Variants in ACKR3 observed in about 807,000 individuals in gnomAD.
ACKR3 encodes C-X-C chemokine receptor type 7.
Under a neutral mutation model 22.4 loss-of-function variants are expected in ACKR3, and 6 were observed. The ratio of observed to expected loss-of-function variants is 0.27; its 90% confidence interval spans 0.15 to 0.53. ACKR3 has a LOEUF of 0.53. ACKR3 is among the 20% of genes least tolerant of loss of function. The pLI is 0.96. For synonymous variants in ACKR3, 209 were observed against 205.2 expected (o/e 1.02, Z -0.16); for missense variants, 396 against 475.2 (o/e 0.83, Z 1.55).
At chr2:236,549,327 T>C in the ACKR3 span, among the ~76,000 whole-genome samples, 10 of 152,308 alleles carry the variant, frequency 6.6e-5, no homozygotes, top group South Asian at 2.1e-3. This position sits in a 1 kb window ranked among gnomAD's most constrained non-coding sequence, Gnocchi z 5.3. Flanking sequence ...TACCCTTTTG[T>C]GGAAGCCTAC....
chr2:236,550,879 G>A, the ACKR3 span, among the ~76,000 whole-genome samples: 1 of 152,146 alleles, frequency 6.6e-6, no homozygotes, highest in African/African-American at 2.4e-5. This position sits in a 1 kb window ranked among gnomAD's most constrained non-coding sequence, Gnocchi z 4.6. Context: ...TTCACACACG[G>A]CTGCCCCGGC....
chr2:236,573,143 G>C (rs759603328), intron 1 of ACKR3, among the ~76,000 whole-genome samples: 1 of 152,016 alleles, frequency 6.6e-6, no homozygotes, highest in Non-Finnish European at 1.5e-5. Context: ...CCATAGATTC[G>C]ATGTAGCATT....
At chr2:236,565,774 A>G (rs1691165077), upstream of ACKR3, among the ~76,000 whole-genome samples, 1 of 152,180 alleles carries the variant, frequency 6.6e-6, no homozygotes. Flanking sequence ...GTTCCAAGCC[A>G]GGTTGTCTGG....
chr2:236,537,304 G>A, the ACKR3 span, among the ~76,000 whole-genome samples: 1 of 152,256 alleles, frequency 6.6e-6, no homozygotes, highest in African/African-American at 2.4e-5. Context: ...TTGGTCCTAA[G>A]TGTGAGCGGC....
chr2:236,578,586 G>A (rs1011931688), intron 1 of ACKR3, among the ~76,000 whole-genome samples: 2 of 152,194 alleles, frequency 1.3e-5, no homozygotes, highest in African/African-American at 4.8e-5. Context: ...ACGAGGAGGG[G>A]ACCCCACAGT....
the ACKR3 span, among the ~76,000 whole-genome samples, chr2:236,545,336 C>T: frequency 3.9e-5 from 6 of 152,306 alleles, no homozygotes; most frequent in Middle Eastern, 3.4e-3. The surrounding 1 kb of genome is among the most constrained non-coding windows in gnomAD (Gnocchi z 5.3). Flanking sequence ...ATCCAGAGCC[C>T]TCCTTCTGTC....
intron 1 of ACKR3, among the ~76,000 whole-genome samples, chr2:236,570,279 C>G: frequency 6.6e-6 from 1 of 152,170 alleles, no homozygotes; most frequent in East Asian, 1.9e-4. Context: ...TTCTGCCTGA[C>G]CAATTTGGCA....
chr2:236,543,930 C>T, the ACKR3 span, among the ~76,000 whole-genome samples: 1 of 112,664 alleles, frequency 8.9e-6, no homozygotes, highest in Non-Finnish European at 1.9e-5. Flanking sequence ...ATTTTTTCTC[C>T]TGGGAGAAGG....
intron 1 of ACKR3, among the ~76,000 whole-genome samples, chr2:236,578,124 G>A (rs2004992): frequency 0.014 from 2,157 of 152,364 alleles, 48 homozygotes; most frequent in African/African-American, 0.047. Context: ...ACGGGGTGGA[G>A]AGTGGAACGT....
intron 1 of ACKR3, among the ~76,000 whole-genome samples, chr2:236,571,704 G>C (rs1691315535): frequency 6.6e-6 from 1 of 151,584 alleles, no homozygotes; most frequent in Middle Eastern, 3.5e-3. Context: ...ATTTTAGGGC[G>C]AGAGCTCCTG....
intron 1 of ACKR3, among the ~76,000 whole-genome samples, chr2:236,578,570 T>A (rs962935366): frequency 1.3e-5 from 2 of 152,180 alleles, no homozygotes; most frequent in African/African-American, 4.8e-5. Context: ...TGAGTCAGGT[T>A]AGGTCACGAG....
chr2:236,581,020 C>T lies in ACKR3; in HGVS notation c.555C>T (p.Thr185=), dbSNP rs550374801. 113 of 1,614,142 alleles carry T rather than the reference C, an allele frequency of 7.0e-5. No homozygotes were observed. In the East Asian group the frequency reaches 9.6e-4, roughly 14 times the overall value. ...VSLPDTYYLK[T]VTSASNNETY... ...TGCCTGACACCTACTACCTGAAGAC[C>T]GTCACGTCTGCGTCCAACAATGAGA... is the stretch of plus-strand genomic sequence containing the variant. Residue 185 remains threonine, a synonymous_variant, in exon 2 of 2, where the codon ACC becomes ACT. Transcript: ENST00000272928. The surrounding 1 kb of genome is among the most constrained non-coding windows in gnomAD (Gnocchi z 4.4).
intron 1 of ACKR3, among the ~76,000 whole-genome samples, 188 bp from the exon 2 acceptor site, chr2:236,580,252 T>C (rs1400849170): frequency 6.6e-6 from 1 of 152,224 alleles, no homozygotes; most frequent in East Asian, 1.9e-4. Flanking sequence ...CAGAGTATGA[T>C]TTATTTTGTT....
the ACKR3 span, among the ~76,000 whole-genome samples, chr2:236,562,558 T>C: frequency 6.6e-6 from 1 of 152,156 alleles, no homozygotes; most frequent in Non-Finnish European, 1.5e-5. Context: ...AAGAGTATGT[T>C]CAACTTTAGT....
the ACKR3 span, among the ~76,000 whole-genome samples, chr2:236,546,847 C>T: frequency 6.6e-6 from 1 of 152,220 alleles, no homozygotes; most frequent in Non-Finnish European, 1.5e-5. The surrounding 1 kb of genome is among the most constrained non-coding windows in gnomAD (Gnocchi z 4.9). Context: ...GAATCCACCC[C>T]AGTGAAAGCA....
the ACKR3 span, among the ~76,000 whole-genome samples, chr2:236,540,505 A>G: frequency 4.6e-5 from 7 of 152,140 alleles, 1 homozygote; most frequent in South Asian, 1.2e-3. Context: ...AGCAGGTTTT[A>G]CTTTGATTAA....
chr2:236,555,188 C>T, the ACKR3 span, among the ~76,000 whole-genome samples: 14 of 152,312 alleles, frequency 9.2e-5, no homozygotes, highest in African/African-American at 3.1e-4. Flanking sequence ...AATACATGAG[C>T]CGTTTTTCTG....
the ACKR3 span, among the ~76,000 whole-genome samples, chr2:236,562,664 T>A: frequency 6.6e-6 from 1 of 151,910 alleles, no homozygotes; most frequent in Non-Finnish European, 1.5e-5. Context: ...GTTATTAGAC[T>A]GCAACGAGAT....
the ACKR3 span, among the ~76,000 whole-genome samples, chr2:236,550,142 C>T: frequency 2.0e-5 from 3 of 152,194 alleles, no homozygotes; most frequent in Non-Finnish European, 2.9e-5. This position sits in a 1 kb window ranked among gnomAD's most constrained non-coding sequence, Gnocchi z 4.6. Context: ...TAGTCTGTTT[C>T]CATCCCTAAG....
Sources: allele counts gnomAD v4.1 joint callset (sites outside exome capture counted in the v4.1 genomes callset), GRCh38; gene constraint gnomAD v4.1.1; non-coding constraint Gnocchi (gnomAD v3.1); transcripts MANE v1.5; gene names NCBI Gene and HGNC (gene_info 2026-07-23, HGNC 2026-07-21).